The following PIK3CB variants were observed in gnomAD, a reference collection of about 807,000 sequenced individuals.
PIK3CB encodes the protein phosphatidylinositol 4,5-bisphosphate 3-kinase catalytic subunit beta isoform.
PIK3CB carries 39 observed loss-of-function variants against 136.8 expected under a neutral mutation model. The observed-to-expected ratio is 0.29, with a 90% confidence interval of 0.22 to 0.37. The LOEUF (loss-of-function observed/expected upper bound fraction) is 0.37, where lower values mean the gene tolerates loss of function less well. Ranked by LOEUF, PIK3CB falls within the 10% of genes least tolerant of loss-of-function variation. The probability of loss-of-function intolerance (pLI) is 1.00; values close to 1 mark genes in which losing one functional copy is unlikely to be tolerated. For missense variants in PIK3CB, 868 were observed against 1,275.4 expected (o/e 0.68, Z 4.87); for synonymous variants, 428 against 436.6 (o/e 0.98, Z 0.25).
At chr3:138,734,007 A>G (rs943654019) in intron 7 of PIK3CB, among the ~76,000 whole-genome samples, 3 of 152,202 alleles carry the variant, frequency 2.0e-5, no homozygotes, top group Non-Finnish European at 2.9e-5. Context: ...AATAGTAATA[A>G]AAGCTTTGTA....
At chr3:138,822,875 AAT>A (rs1025339679) in intron 1 of PIK3CB, among the ~76,000 whole-genome samples, 4 of 147,216 alleles carry the variant, frequency 2.7e-5, no homozygotes, top group East Asian at 2.0e-4. Context: ...ATATATATGA[AAT>A]ATATATATGA....
At chr3:138,700,848 G>A (rs967394981) in intron 12 of PIK3CB, among the ~76,000 whole-genome samples, 7 of 152,190 alleles carry the variant, frequency 4.6e-5, no homozygotes, top group African/African-American at 7.2e-5. Context: ...CAGTAACACT[G>A]ATTCAAGGAA....
rs928331165 is a variant in PIK3CB, at chr3:138,769,342, A to G, written c.-16-9983T>C. On this transcript the variant is annotated intron_variant, in intron 2 of 23. Coordinates refer to ENST00000674063, the MANE Select transcript of PIK3CB (RefSeq NM_006219.3). Reference sequence around the variant, plus strand: ...AGTATACATTTCTATCTGCCAATGAATGATGTTTCCTATATTTGGCTATGT... The same window carrying G: ...AGTATACATTTCTATCTGCCAATGAGTGATGTTTCCTATATTTGGCTATGT... Among the ~76,000 whole-genome samples the G allele has an allele frequency of 5.3e-5, 8 of 152,340 alleles. No individual in the cohort carries two copies. The South Asian group carries it at 1.0e-3, about 20-fold the overall frequency.
intron 16 of PIK3CB, among the ~76,000 whole-genome samples, chr3:138,688,006 CATAATAAGTG>C (rs1459445118): frequency 6.6e-6 from 1 of 151,938 alleles, no homozygotes; most frequent in Non-Finnish European, 1.5e-5. Context: ...ATAAATGACC[CATAATAAGTG>C]ATGAATAAAC....
At chr3:138,702,241 C>CT (rs549125865) in intron 12 of PIK3CB, among the ~76,000 whole-genome samples, 6,229 of 141,990 alleles carry the variant, frequency 0.044, 404 homozygotes, top group African/African-American at 0.15. Flanking sequence ...CCAGTTAATA[C>CT]TTTTTTTTTT....
intron 12 of PIK3CB, 99 bp downstream of exon 12, chr3:138,704,344 G>A: frequency 1.2e-6 from 1 of 838,502 alleles, no homozygotes; most frequent in Non-Finnish European, 2.1e-6. Flanking sequence ...TCTTGCATAT[G>A]AGTTACGGTC....
intron 9 of PIK3CB, among the ~76,000 whole-genome samples, chr3:138,712,774 A>C (rs1469492414): frequency 2.0e-5 from 3 of 152,034 alleles, no homozygotes; most frequent in Admixed American, 6.5e-5. Flanking sequence ...GCCGTGTAGG[A>C]CAGGCTGGTC....
intron 11 of PIK3CB, among the ~76,000 whole-genome samples, chr3:138,705,191 A>AAAAAAAC (rs2044350339): frequency 1.1e-5 from 1 of 93,502 alleles, no homozygotes; most frequent in African/African-American, 5.4e-5. Flanking sequence ...CAAAACAAAC[A>AAAAAAAC]AAAAAAAAAA....
At position 138,763,474 on chromosome 3, in the gene PIK3CB, A is replaced by G. The variant is rs918263774; in HGVS notation, c.-16-4115T>C. ...TTTAAAATTGAGGTGGGTTTATGAA[A>G]CATCAGCCCTCTGTCACAGAATTAG... On this transcript the variant is annotated intron_variant, in intron 2 of 23. Transcript: ENST00000674063. Among the ~76,000 whole-genome samples, 5 of 152,262 alleles carry G rather than the reference A, an allele frequency of 3.3e-5. No individual in the cohort carries two copies. The East Asian group carries it at 9.7e-4, about 29-fold the overall frequency.
intron 19 of PIK3CB, among the ~76,000 whole-genome samples, 162 bp from the exon 20 acceptor site, chr3:138,665,365 G>A (rs2043386560): frequency 6.6e-6 from 1 of 152,166 alleles, no homozygotes; most frequent in Non-Finnish European, 1.5e-5. Context: ...CACCAAAGGA[G>A]TAAATCTCTT....
At chr3:138,665,845 C>T (rs1399163690) in intron 19 of PIK3CB, among the ~76,000 whole-genome samples, 1 of 152,202 alleles carries the variant, frequency 6.6e-6, no homozygotes, top group South Asian at 2.1e-4. Flanking sequence ...GCTGGGATTA[C>T]AGGTGTGAGC....
At chr3:138,728,501 G>A (rs558530710) in intron 8 of PIK3CB, among the ~76,000 whole-genome samples, 1 of 152,316 alleles carries the variant, frequency 6.6e-6, no homozygotes, top group African/African-American at 2.4e-5. Context: ...ATGGATGCCA[G>A]GCGCAGTGGC....
chr3:138,823,241 C>A (rs1327157570), intron 1 of PIK3CB, among the ~76,000 whole-genome samples: 1 of 151,678 alleles, frequency 6.6e-6, no homozygotes, highest in African/African-American at 2.4e-5. Flanking sequence ...GGCAACACAG[C>A]AAGTCCCCAT....
At chr3:138,770,810 C>T (rs193016749) in intron 2 of PIK3CB, among the ~76,000 whole-genome samples, 133 of 152,102 alleles carry the variant, frequency 8.7e-4, no homozygotes, top group African/African-American at 3.1e-3. Context: ...CTCCCAGGTT[C>T]AAGCAGTTCT....
At chr3:138,751,480 CA>C (rs1489640602) in intron 4 of PIK3CB, among the ~76,000 whole-genome samples, 3 of 151,418 alleles carry the variant, frequency 2.0e-5, no homozygotes, top group Non-Finnish European at 2.9e-5. Flanking sequence ...GAAATTTTAT[CA>C]AAAATAACGA....
chr3:138,694,724 C>G, intron 14 of PIK3CB, 62 bp downstream of exon 14: 1 of 1,556,506 alleles, frequency 6.4e-7, no homozygotes, highest in Admixed American at 1.8e-5. Flanking sequence ...CAAGGAGACA[C>G]CCTCATCCCA....
At chr3:138,693,968 A>AT (rs1425211387) in intron 14 of PIK3CB, among the ~76,000 whole-genome samples, 2,449 of 58,382 alleles carry the variant, frequency 0.042, 50 homozygotes, top group African/African-American at 0.054. Flanking sequence ...TATATATATT[A>AT]TATATATATA....
chr3:138,707,458 C>G (rs2044403098), intron 10 of PIK3CB, 169 bp from the exon 11 acceptor site: 3 of 1,352,964 alleles, frequency 2.2e-6, no homozygotes, highest in Non-Finnish European at 2.8e-6. Context: ...ATGCTTGGAA[C>G]AAAATTTCAG....
At chr3:138,665,274 CT>C (rs1357932443) in intron 19 of PIK3CB, 71 bp from the exon 20 acceptor site, 2 of 1,222,696 alleles carry the variant, frequency 1.6e-6, no homozygotes, top group Non-Finnish European at 2.2e-6. Context: ...AAGATTTTCC[CT>C]TTACTTTTTA....
Sources: gnomAD v4.1 joint callset for allele counts (sites outside exome capture counted in the v4.1 genomes callset) on GRCh38, gnomAD v4.1.1 for gene constraint, MANE v1.5 for transcripts, NCBI Gene and HGNC (gene_info 2026-07-23, HGNC 2026-07-21) for gene names.